Variants in SPATA2 observed in about 807,000 individuals in gnomAD.
The protein encoded by SPATA2 is spermatogenesis associated 2, also known as spermatogenesis-associated protein 2.
Under a neutral mutation model 35.4 loss-of-function variants are expected in SPATA2, and 8 were observed. The ratio of observed to expected loss-of-function variants is 0.23; its 90% CI spans 0.13 to 0.41. SPATA2 has a LOEUF of 0.41. Among genes scored for constraint, SPATA2 ranks in the 10% least tolerant of loss-of-function variants. The pLI, the probability that SPATA2 is intolerant of heterozygous loss-of-function variation, is 1.00. For synonymous variants in SPATA2, 293 were observed against 300.9 expected, an observed-to-expected ratio of 0.97 and a Z score of 0.27; for missense variants, 650 against 698.7, an observed-to-expected ratio of 0.93 and a Z score of 0.79.
At chr20:49,907,933 T>C (rs2090158143) in intron 2 of SPATA2, among the ~76,000 whole-genome samples, 1 of 152,158 alleles carries the variant, frequency 6.6e-6, no homozygotes. Flanking sequence ...AGACCCTGCA[T>C]AACCTGGCTG....
chr20:49,908,144 C>T lies in SPATA2; in HGVS notation c.336+11G>A, dbSNP rs1568907600. On this transcript the variant is annotated intron_variant, in intron 2 of 2. Transcript: ENST00000289431. ...AGGAGGGCCTGTATGGAGGCTGCTCCAGGACCTCACCTTGATGCTTCTGAA... is the reference window on the plus strand; with the variant it reads ...AGGAGGGCCTGTATGGAGGCTGCTCTAGGACCTCACCTTGATGCTTCTGAA... The T allele has an allele frequency of 1.9e-6, 3 of 1,594,814 alleles. No homozygotes were observed. Among genetic ancestry groups the T allele is most frequent in the East Asian group, 2.2e-5 (1 of 44,648 alleles).
chr20:49,903,910 T>C lies in SPATA2; in HGVS notation c.*1709A>G, dbSNP rs1015903241. 13 of 23,260 alleles carry C rather than the reference T, an allele frequency of 5.6e-4. No individual in the cohort carries two copies. The highest frequency in any genetic ancestry group is 1.8e-3 in the African/African-American group (13 of 7,360). The allele number at this position is 23,260 out of a possible 1,614,324, so 1.4% of individuals were successfully genotyped here. On this transcript the variant is annotated 3_prime_UTR_variant, in exon 3 of 3. Transcript: ENST00000289431. ...ATGTGATCTACCAGATAGATATATA[T>C]ATATATATATATATATATATATATA... is the stretch of plus-strand genomic sequence containing the variant.
Position 49,908,190 on chromosome 20 carries a change from G to C in SPATA2, c.301C>G (p.Leu101Val). 3.7e-6 allele frequency: 6 copies of C among 1,612,752 alleles called. No individual in the cohort carries two copies. The highest frequency in any genetic ancestry group is 5.1e-6 in the Non-Finnish European group (6 of 1,179,396). ...MLETVGINLF[L>V]YPWKKEFRSI... ...CTGAATTCCTTCTTCCACGGGTAGAGGAAGAGGTTGATGCCCACCGTCTCC... is the reference window on the plus strand; with the variant it reads ...CTGAATTCCTTCTTCCACGGGTAGACGAAGAGGTTGATGCCCACCGTCTCC... Residue 101 changes from leucine (L) to valine (V), a missense_variant, in exon 2 of 3, where the codon CTC becomes GTC. Leu to Val is a conservative substitution (Grantham distance 32). Coordinates refer to ENST00000289431, the MANE Select transcript of SPATA2 (RefSeq NM_006038.4).
chr20:49,914,031 A>G (rs59922432), intron 1 of SPATA2, among the ~76,000 whole-genome samples: 8 of 3,008 alleles, frequency 2.7e-3, no homozygotes, highest in Non-Finnish European at 3.8e-3. Flanking sequence ...AGTCTGGTGG[A>G]AAAAAAAAAA....
chr20:49,908,538 G>GGCAGGGACATCACTAAAA lies in SPATA2; in HGVS notation c.-66_-49dup, dbSNP rs773618731. ...TCTCCTCCATGGCTTCTGGATTAGA[G>GGCAGGGACATCACTAAAA]GCAGGGACATCACTAAAAGCATGGA... On this transcript the variant is annotated 5_prime_UTR_variant, in exon 2 of 3. It adds an upstream start codon to the 5' untranslated region. Coordinates refer to ENST00000289431, the MANE Select transcript of SPATA2 (RefSeq NM_006038.4). 4 of 1,468,754 alleles carry GGCAGGGACATCACTAAAA rather than the reference G, an allele frequency of 2.7e-6. No individual in the cohort carries two copies. Among genetic ancestry groups the GGCAGGGACATCACTAAAA allele is most frequent in the Non-Finnish European group, 2.8e-6 (3 of 1,076,156 alleles). The allele number at this position is 1,468,754 out of a possible 1,614,324, so 91.0% of individuals were successfully genotyped here.
At position 49,906,002 on chromosome 20, in the gene SPATA2, G is replaced by C. The variant is rs756984969; in HGVS notation, c.1180C>G (p.Leu394Val). 6.2e-7 allele frequency: 1 copy of C among 1,606,774 alleles called. No homozygotes were observed. The highest frequency in any genetic ancestry group is 1.1e-5 in the South Asian group (1 of 91,044). Residue 394 changes from leucine to valine, a missense_variant, in exon 3 of 3, where the codon CTC becomes GTC. By Grantham distance (32) the Leu-to-Val change is conservative (BLOSUM62 1). Transcript: ENST00000289431. The surrounding 1 kb of genome is among the most constrained non-coding windows in gnomAD (Gnocchi z 8.2). ...QSCGLSCSSSLCQRCDSLLTC... is the reference protein window; with the variant it reads ...QSCGLSCSSSVCQRCDSLLTC... ...AGCAGGCTGTCACAGCGCTGGCAGA[G>C]GGAGGAGCTGCAGGACAGCCCGCAG... is the stretch of plus-strand genomic sequence containing the variant.
In SPATA2 at chr20:49,905,676, C is replaced by A. The variant is rs142787562; in HGVS notation, c.1506G>T (p.Met502Ile). Residue 502 changes from methionine (M) to isoleucine (I), a missense_variant, in exon 3 of 3, where the codon ATG (methionine) becomes ATT (isoleucine). Coordinates refer to ENST00000289431, the MANE Select transcript of SPATA2 (RefSeq NM_006038.4). ...ACTTGTAGTTCAGCTGGTTGTTGGGCATGAACTTGTGCAGCTCACTCTTTT... is the reference window on the plus strand; with the variant it reads ...ACTTGTAGTTCAGCTGGTTGTTGGGAATGAACTTGTGCAGCTCACTCTTTT... ...CYKKSELHKF[M>I]PNNQLNYKST... is the part of the protein sequence containing the mutation. 1 of 1,614,220 alleles carries A rather than the reference C, an allele frequency of 6.2e-7. No homozygotes were observed. Among genetic ancestry groups the A allele is most frequent in the South Asian group, 1.1e-5 (1 of 91,082 alleles).
At position 49,906,037 on chromosome 20, in the gene SPATA2, T is replaced by C. The variant is rs746486198; in HGVS notation, c.1145A>G (p.Lys382Arg). The C allele has an allele frequency of 2.5e-6, 4 of 1,605,558 alleles. No homozygotes were observed. The South Asian group carries it at 4.4e-5, about 18-fold the overall frequency. Residue 382 changes from lysine (K) to arginine (R), a missense_variant, in exon 3 of 3, where the codon AAG (lysine) becomes AGG (arginine). Transcript: ENST00000289431. This position sits in a 1 kb window ranked among gnomAD's most constrained non-coding sequence, Gnocchi z 8.2. ...GCAGGACAGCCCGCAGCTTTGGCAC[T>C]TGGAGAGGGCGGACTCTTTGGCAGG... ...SPPAKESALS[K>R]CQSCGLSCSS...
Position 49,903,898 on chromosome 20 carries a change from GATAGATATATATATATATATATATATAT to G in SPATA2, c.*1693_*1720del, listed in dbSNP as rs1487721536. 35 of 86,132 alleles carry G rather than the reference GATAGATATATATATATATATATATATAT, an allele frequency of 4.1e-4. No homozygotes were observed. The highest frequency in any genetic ancestry group is 6.1e-4 in the East Asian group (2 of 3,262). The allele number at this position is 86,132 out of a possible 1,614,324, so 5.3% of individuals were successfully genotyped here. On this transcript the variant is annotated 3_prime_UTR_variant, in exon 3 of 3. Coordinates refer to ENST00000289431, the MANE Select transcript of SPATA2 (RefSeq NM_006038.4). ...CTGTACATCTACATGTGATCTACCAGATAGATATATATATATATATATATATATATATATATATATATATATATATATA... is the reference window on the plus strand; with the variant it reads ...CTGTACATCTACATGTGATCTACCAGATATATATATATATATATATATATA...
At chr20:49,913,746 C>T (rs1439556541) in intron 1 of SPATA2, 2 of 152,118 alleles carry the variant, frequency 1.3e-5, no homozygotes, top group Non-Finnish European at 2.9e-5. Flanking sequence ...GCTCAAGGGC[C>T]AAGGAAAGAG....
rs1337445397 is a variant in SPATA2 at position 49,905,560 on chromosome 20, C to T, written c.*59G>A. 14 of 1,578,106 alleles carry T rather than the reference C, an allele frequency of 8.9e-6. No individual in the cohort carries two copies. Among genetic ancestry groups the T allele is most frequent in the African/African-American group, 1.4e-5 (1 of 74,038 alleles). ...AGATCAATGCGTTAGTACTTCTTCA[C>T]CGTGAAACCCGAAAGGTCGGTTGAT... On this transcript the variant is annotated 3_prime_UTR_variant, in exon 3 of 3. Transcript: ENST00000289431.
At chr20:49,910,902 G>A (rs1488931034) in intron 1 of SPATA2, among the ~76,000 whole-genome samples, 2 of 152,212 alleles carry the variant, frequency 1.3e-5, no homozygotes, top group Non-Finnish European at 2.9e-5. Flanking sequence ...ATAAGGCTGA[G>A]GAGTACAGGA....
At chr20:49,908,632 C>T (rs570463770) in intron 1 of SPATA2, 40 bp from the exon 2 acceptor site, 15 of 725,164 alleles carry the variant, frequency 2.1e-5, no homozygotes, top group Admixed American at 1.5e-4. Flanking sequence ...TTCCTCGATA[C>T]GGTCGCGCTT....
In SPATA2 at chr20:49,905,302, G is replaced by A; in HGVS notation, c.*317C>T. On this transcript the variant is annotated 3_prime_UTR_variant, in exon 3 of 3. Transcript: ENST00000289431. The stretch of plus-strand genomic sequence containing the variant: ...CCAGAGACAGAAATCCTCTTTAAAG[G>A]AAAAAACAAAACAACAAAACAAAAC... 1 of 351,270 alleles carries A rather than the reference G, an allele frequency of 2.8e-6. No homozygotes were observed. The highest frequency in any genetic ancestry group is 5.2e-6 in the Non-Finnish European group (1 of 191,596). The allele number at this position is 351,270 out of a possible 1,614,324, so 21.8% of individuals were successfully genotyped here.
intron 1 of SPATA2, among the ~76,000 whole-genome samples, chr20:49,914,689 C>CT (rs1435048947): frequency 6.6e-6 from 1 of 152,202 alleles, no homozygotes; most frequent in Non-Finnish European, 1.5e-5. Flanking sequence ...CTAGTGGCAG[C>CT]TGCCTCTCTC....
intron 1 of SPATA2, among the ~76,000 whole-genome samples, chr20:49,911,665 T>C (rs2090182840): frequency 6.8e-6 from 1 of 147,442 alleles, no homozygotes; most frequent in African/African-American, 2.5e-5. Flanking sequence ...AGACTCCGTC[T>C]CTAAAAAAAA....
chr20:49,903,902 G>GATAGAGATAT lies in SPATA2; in HGVS notation c.*1716_*1717insATATCTCTAT, dbSNP rs1431587837. The GATAGAGATAT allele has an allele frequency of 4.1e-5, 4 of 96,936 alleles. No individual in the cohort carries two copies. The highest frequency in any genetic ancestry group is 3.0e-4 in the South Asian group (1 of 3,374). 6.0% of individuals were successfully genotyped at this position (96,936 alleles called of 1,614,324 possible). A position where few individuals can be genotyped will look rare whatever the true frequency, so the allele number is the denominator to read the frequency against. ...ACATCTACATGTGATCTACCAGATA[G>GATAGAGATAT]ATATATATATATATATATATATATA... On this transcript the variant is annotated 3_prime_UTR_variant, in exon 3 of 3. Transcript: ENST00000289431.
chr20:49,906,973 T>C lies in SPATA2; in HGVS notation c.337-128A>G. Reference sequence around the variant, plus strand: ...GGGGAGAGGGCAGGGCAGGGAAGGATCTCGACAGCCTCACCCTGCGGGAGG... The same window carrying C: ...GGGGAGAGGGCAGGGCAGGGAAGGACCTCGACAGCCTCACCCTGCGGGAGG... On this transcript the variant is annotated intron_variant, in intron 2 of 2. Coordinates refer to ENST00000289431, the MANE Select transcript of SPATA2 (RefSeq NM_006038.4). The surrounding 1 kb of genome is among the most constrained non-coding windows in gnomAD (Gnocchi z 8.2). 9.8e-7 allele frequency: 1 copy of C among 1,021,236 alleles called. No homozygotes were observed. 63.3% of individuals were successfully genotyped at this position (1,021,236 alleles called of 1,614,324 possible). A position where few individuals can be genotyped will look rare whatever the true frequency, so the allele number is the denominator to read the frequency against.
rs2090128482 is a variant in SPATA2 at position 49,904,504 on chromosome 20, G to C, written c.*1115C>G. The C allele has an allele frequency of 6.6e-6, 1 of 152,646 alleles. No homozygotes were observed. Among genetic ancestry groups the C allele is most frequent in the South Asian group, 2.1e-4 (1 of 4,834 alleles). 9.5% of individuals were successfully genotyped at this position (152,646 alleles called of 1,614,324 possible). ...AAGGTTCCTGCTCAGCAAGCTATAG[G>C]TCCGACAGGTGAGGTCCCTGAATTG... On this transcript the variant is annotated 3_prime_UTR_variant, in exon 3 of 3. Transcript: ENST00000289431.
Sources: gnomAD v4.1 joint callset for allele counts (sites outside exome capture counted in the v4.1 genomes callset) on GRCh38, gnomAD v4.1.1 for gene constraint, Gnocchi (gnomAD v3.1) non-coding constraint, MANE v1.5 for transcripts, NCBI Gene and HGNC (gene_info 2026-07-23, HGNC 2026-07-21) for gene names.